ADAMTS2: variants seen among roughly 807,000 people sequenced by gnomAD.
ADAMTS2 encodes the protein ADAM metallopeptidase with thrombospondin type 1 motif 2, also known as A disintegrin and metalloproteinase with thrombospondin motifs 2.
A neutral mutation model predicts 123.0 loss-of-function variants in ADAMTS2; 50 were observed. The ratio of observed to expected loss-of-function variants is 0.41; its 90% CI spans 0.32 to 0.51. The LOEUF (loss-of-function observed/expected upper bound fraction) is 0.51, where lower values mean the gene tolerates loss of function less well. Among genes scored for constraint, ADAMTS2 ranks in the 20% least tolerant of loss-of-function variants. ADAMTS2 has a pLI of 0.35. For missense variants in ADAMTS2, 1,494 were observed against 1,705.2 expected, an observed-to-expected ratio of 0.88 and a Z score of 2.18; for synonymous variants, 678 against 695.4, an observed-to-expected ratio of 0.98 and a Z score of 0.39.
Position 179,345,294 on chromosome 5 carries a change from A to G in ADAMTS2, c.35T>C (p.Leu12Pro). 1 of 1,138,764 alleles carries G rather than the reference A, an allele frequency of 8.8e-7. No homozygotes were observed. The highest frequency in any genetic ancestry group is 1.1e-6 in the Non-Finnish European group (1 of 929,790). The allele number at this position is 1,138,764 out of a possible 1,614,324, so 70.5% of individuals were successfully genotyped here. A position where few individuals can be genotyped will look rare whatever the true frequency, so the allele number is the denominator to read the frequency against. ...CAGCAGCAGCAGCAGCGCGGGGCAG[A>G]GCAGGCGGCGAGCGGCTCCCGCCGG... ...DPPAGAARRL[L>P]CPALLLLLLL... The change falls in exon 1 of 22, where the codon CTC becomes CCC. Residue 12 changes from leucine to proline, a missense_variant. Leu to Pro is a moderately conservative substitution (Grantham distance 98). Transcript: ENST00000251582. The surrounding 1 kb of genome is among the most constrained non-coding windows in gnomAD (Gnocchi z 7.5).
At chr5:179,140,839 C>A (rs1412290946) in intron 10 of ADAMTS2, among the ~76,000 whole-genome samples, 6 of 113,526 alleles carry the variant, frequency 5.3e-5, no homozygotes, top group Non-Finnish European at 1.1e-4. Flanking sequence ...CTCACTCTGT[C>A]CCCCCAGGTT....
intron 3 of ADAMTS2, among the ~76,000 whole-genome samples, chr5:179,246,668 G>C (rs769742602): frequency 1.4e-4 from 22 of 152,202 alleles, no homozygotes; most frequent in Non-Finnish European, 2.6e-4. Context: ...GGCTAAGACA[G>C]AGTTGTAAAC....
chr5:179,129,800 G>A lies in ADAMTS2; in HGVS notation c.2457+132C>T. On this transcript the variant is annotated intron_variant, in intron 16 of 21. Transcript: ENST00000251582. The surrounding 1 kb of genome is among the most constrained non-coding windows in gnomAD (Gnocchi z 4.1). ...TCTGACCAAGTCGGAGCCCCTTGGT[G>A]CCAAAGGCAGGCCAAAGGGGCCACG... 8.0e-7 allele frequency: 1 copy of A among 1,257,130 alleles called. No individual in the cohort carries two copies. The highest frequency in any genetic ancestry group is 1.1e-6 in the Non-Finnish European group (1 of 905,706). The allele number at this position is 1,257,130 out of a possible 1,614,324, so 77.9% of individuals were successfully genotyped here. A position where few individuals can be genotyped will look rare whatever the true frequency, so the allele number is the denominator to read the frequency against.
In ADAMTS2 at chr5:179,113,953, G is replaced by A. The variant is rs1762616359; in HGVS notation, c.3550C>T (p.Pro1184Ser). The A allele has an allele frequency of 6.2e-7, 1 of 1,614,036 alleles. No individual in the cohort carries two copies. ...TTTCTGGTCTTTTCATAGGGGCTCG[G>A]TCGTCGAGGGATTAGGTTGGGTGGC... Reference protein sequence around the residue: ...VQPPNLIPRRPSPYEKTRNQR... With the variant: ...VQPPNLIPRRSSPYEKTRNQR... Residue 1184 changes from proline (P) to serine (S), a missense_variant, in exon 22 of 22, where the codon CCG (proline) becomes TCG (serine). Physicochemically the swap from Pro to Ser is moderately conservative, Grantham distance 74. Coordinates refer to ENST00000251582, the MANE Select transcript of ADAMTS2 (RefSeq NM_014244.5).
At chr5:179,224,691 A>G (rs959102577) in intron 3 of ADAMTS2, among the ~76,000 whole-genome samples, 2 of 152,224 alleles carry the variant, frequency 1.3e-5, no homozygotes, top group African/African-American at 4.8e-5. Flanking sequence ...TTTGTAAGGA[A>G]GTGAGAAATC....
chr5:179,278,420 T>C (rs1766803375), intron 2 of ADAMTS2, among the ~76,000 whole-genome samples: 1 of 152,166 alleles, frequency 6.6e-6, no homozygotes, highest in Non-Finnish European at 1.5e-5. Flanking sequence ...ACTTTGATTT[T>C]CCTGCTGCCA....
intron 4 of ADAMTS2, among the ~76,000 whole-genome samples, chr5:179,195,339 C>A (rs1477268055): frequency 1.3e-5 from 2 of 152,238 alleles, no homozygotes; most frequent in African/African-American, 4.8e-5. Context: ...CAGGGCGCAG[C>A]AGGACAGGCA....
At position 179,154,912 on chromosome 5, in the gene ADAMTS2, A is replaced by G; in HGVS notation, c.1140T>C (p.Ala380=). 1 of 1,613,168 alleles carries G rather than the reference A, an allele frequency of 6.2e-7. No homozygotes were observed. Among genetic ancestry groups the G allele is most frequent in the Non-Finnish European group, 8.5e-7 (1 of 1,179,812 alleles). The change falls in exon 7 of 22, where the codon GCT becomes GCC. Residue 380 remains alanine (A), a synonymous_variant. Transcript: ENST00000251582. The part of the protein sequence containing the change: ...DFGPSGMQGY[A]PVTGMCHPVR... ...CCGGATGGCACATGCCGGTGACAGG[A>G]GCATAGCCTGGGAGGAGACAAGAGG...
intron 3 of ADAMTS2, among the ~76,000 whole-genome samples, chr5:179,217,805 G>GGCCTGAGGGCAGAC (rs1765023833): frequency 2.1e-5 from 3 of 141,684 alleles, no homozygotes; most frequent in African/African-American, 8.6e-5. Context: ...AGGGGGGGAT[G>GGCCTGAGGGCAGAC]GGCACACTCA....
intron 8 of ADAMTS2, 152 bp from the exon 9 acceptor site, chr5:179,153,775 C>T (rs1763413496): frequency 7.7e-7 from 1 of 1,297,888 alleles, no homozygotes; most frequent in South Asian, 1.4e-5. Flanking sequence ...CCTGCTGCAT[C>T]TCTTGTCCTT....
Position 179,225,553 on chromosome 5 carries a change from C to T in ADAMTS2, c.689-17838G>A, listed in dbSNP as rs537135121. ...TAACAGGCAGACACAGGCGGCTGGA[C>T]GTCGAGAGGAGCGCATGAGGGGAGG... On this transcript the variant is annotated intron_variant, in intron 3 of 21. Transcript: ENST00000251582. The surrounding 1 kb of genome is among the most constrained non-coding windows in gnomAD (Gnocchi z 4.5). Among the ~76,000 whole-genome samples, 79 of 152,218 alleles carry T rather than the reference C, an allele frequency of 5.2e-4. No individual in the cohort carries two copies. Among genetic ancestry groups the T allele is most frequent in the Admixed American group, 1.6e-3 (24 of 15,290 alleles).
Position 179,285,347 on chromosome 5 carries a change from G to A in ADAMTS2, c.535-12283C>T, listed in dbSNP as rs1343619079. On this transcript the variant is annotated intron_variant, in intron 2 of 21. Coordinates refer to ENST00000251582, the MANE Select transcript of ADAMTS2 (RefSeq NM_014244.5). This position sits in a 1 kb window ranked among gnomAD's most constrained non-coding sequence, Gnocchi z 4.9. ...GGGAAAATGGAATAAACAAGATGCCGACAAGAATGCCTCACGGGGCCAGCG... is the reference window on the plus strand; with the variant it reads ...GGGAAAATGGAATAAACAAGATGCCAACAAGAATGCCTCACGGGGCCAGCG... 6.6e-6 allele frequency among the ~76,000 whole-genome samples: 1 copy of A among 152,234 alleles called. No homozygotes were observed. Among genetic ancestry groups the A allele is most frequent in the East Asian group, 1.9e-4 (1 of 5,202 alleles).
At chr5:179,169,156 GAGGTCATT>G (rs1763767560) in intron 5 of ADAMTS2, among the ~76,000 whole-genome samples, 1 of 152,204 alleles carries the variant, frequency 6.6e-6, no homozygotes, top group African/African-American at 2.4e-5. Context: ...TGGTCTTTGA[GAGGTCATT>G]AGGTCATGAG....
At chr5:179,330,542 C>G (rs1757454566) in intron 2 of ADAMTS2, among the ~76,000 whole-genome samples, 1 of 152,230 alleles carries the variant, frequency 6.6e-6, no homozygotes, top group East Asian at 1.9e-4. Flanking sequence ...AAGAACGCAG[C>G]AACTCTGGCA....
At chr5:179,279,983 C>T (rs1156732019) in intron 2 of ADAMTS2, among the ~76,000 whole-genome samples, 3 of 152,228 alleles carry the variant, frequency 2.0e-5, no homozygotes, top group African/African-American at 4.8e-5. Flanking sequence ...CAGCCACTCC[C>T]GTCCTTCCTC....
intron 2 of ADAMTS2, among the ~76,000 whole-genome samples, chr5:179,302,843 A>G (rs1229469012): frequency 1.3e-5 from 2 of 151,786 alleles, no homozygotes; most frequent in Non-Finnish European, 2.9e-5. Flanking sequence ...CAGCACATGC[A>G]GAGGACCCGA....
At chr5:179,339,598 C>A (rs1388871330) in intron 2 of ADAMTS2, among the ~76,000 whole-genome samples, 2 of 152,312 alleles carry the variant, frequency 1.3e-5, no homozygotes, top group Non-Finnish European at 2.9e-5. Context: ...GTGTAGGCTG[C>A]TTGCAGCTGG....
chr5:179,238,346 C>G (rs1324434326), intron 3 of ADAMTS2, among the ~76,000 whole-genome samples: 1 of 152,134 alleles, frequency 6.6e-6, no homozygotes, highest in African/African-American at 2.4e-5. Context: ...CCTGGGAGAC[C>G]GTGGGAGTCA....
At chr5:179,173,782 G>A (rs538373474) in intron 5 of ADAMTS2, among the ~76,000 whole-genome samples, 1 of 152,234 alleles carries the variant, frequency 6.6e-6, no homozygotes, top group South Asian at 2.1e-4. Context: ...TTGGGAGGCC[G>A]AGGCGGATCA....
Sources: gnomAD v4.1 joint callset for allele counts (sites outside exome capture counted in the v4.1 genomes callset) on GRCh38, gnomAD v4.1.1 for gene constraint, Gnocchi (gnomAD v3.1) non-coding constraint, MANE v1.5 for transcripts, NCBI Gene and HGNC (gene_info 2026-07-23, HGNC 2026-07-21) for gene names.